PID1: variants seen among roughly 807,000 people sequenced by gnomAD.
PID1 encodes phosphotyrosine interaction domain containing 1, also known as PTB-containing, cubilin and LRP1-interacting protein.
In PID1, 10 loss-of-function variants were observed where a neutral mutation model predicts 19.1. The ratio of observed to expected loss-of-function variants is 0.52; its 90% CI spans 0.32 to 0.89. PID1 has a LOEUF of 0.89. PID1 is among the 40% of genes least tolerant of loss of function. The pLI is 0.03. For missense variants in PID1, 248 were observed against 285.3 expected, an observed-to-expected ratio of 0.87 and a Z score of 0.94; for synonymous variants, 130 against 116.0, an observed-to-expected ratio of 1.12 and a Z score of -0.78.
chr2:229,061,931 T>C (rs1694219697), intron 2 of PID1, among the ~76,000 whole-genome samples: 1 of 152,028 alleles, frequency 6.6e-6, no homozygotes, highest in Non-Finnish European at 1.5e-5. Flanking sequence ...GATTTTTGTG[T>C]GCTATTTTTT....
chr2:229,197,783 C>T (rs908912470), intron 1 of PID1, among the ~76,000 whole-genome samples: 2 of 151,892 alleles, frequency 1.3e-5, no homozygotes, highest in Admixed American at 1.3e-4. Flanking sequence ...CTTACCGAGG[C>T]TGTATATGTT....
intron 2 of PID1, among the ~76,000 whole-genome samples, chr2:229,063,517 T>C (rs187598472): frequency 6.6e-6 from 1 of 152,278 alleles, no homozygotes; most frequent in African/African-American, 2.4e-5. Flanking sequence ...TTCTGAAATT[T>C]ATTGAAACTT....
chr2:229,188,857 T>C (rs991744501), intron 1 of PID1, among the ~76,000 whole-genome samples: 2 of 152,194 alleles, frequency 1.3e-5, no homozygotes, highest in African/African-American at 4.8e-5. Flanking sequence ...TTATGTGAAC[T>C]AGCTGCTCCT....
At chr2:229,039,824 T>C (rs1693731940) in intron 2 of PID1, among the ~76,000 whole-genome samples, 1 of 152,196 alleles carries the variant, frequency 6.6e-6, no homozygotes, top group Non-Finnish European at 1.5e-5. Context: ...TACAACCCTT[T>C]TGGAAGGGAA....
intron 1 of PID1, among the ~76,000 whole-genome samples, chr2:229,177,316 A>G (rs1457108080): frequency 6.6e-6 from 1 of 152,196 alleles, no homozygotes; most frequent in Non-Finnish European, 1.5e-5. Context: ...TATATAATAC[A>G]TGCACTTCAC....
chr2:229,253,809 T>C (rs1011637007), intron 1 of PID1, among the ~76,000 whole-genome samples: 1 of 152,134 alleles, frequency 6.6e-6, no homozygotes, highest in South Asian at 2.1e-4. Flanking sequence ...TGAACATCAA[T>C]TGGTTCAAGG....
intron 1 of PID1, chr2:229,262,651 T>C: frequency 6.5e-7 from 1 of 1,548,904 alleles, no homozygotes; most frequent in Non-Finnish European, 8.7e-7. Flanking sequence ...ATAAACTGGG[T>C]AGCTTAAAAC....
At chr2:229,111,097 G>A (rs192456557) in intron 2 of PID1, among the ~76,000 whole-genome samples, 1 of 152,244 alleles carries the variant, frequency 6.6e-6, no homozygotes, top group East Asian at 1.9e-4. Context: ...TGCTGCCATG[G>A]AAGACTTGCC....
chr2:229,076,273 C>T (rs1172945202), intron 2 of PID1, among the ~76,000 whole-genome samples: 1 of 152,128 alleles, frequency 6.6e-6, no homozygotes, highest in African/African-American at 2.4e-5. Context: ...TTCCAGAATC[C>T]TCTGAATCTT....
At chr2:229,216,151 T>A (rs1009723187) in intron 1 of PID1, among the ~76,000 whole-genome samples, 1 of 152,182 alleles carries the variant, frequency 6.6e-6, no homozygotes, top group African/African-American at 2.4e-5. Context: ...GCCTTGTGAT[T>A]CCACTGGCAG....
At chr2:229,039,134 A>T (rs565647288) in intron 2 of PID1, among the ~76,000 whole-genome samples, 1 of 152,330 alleles carries the variant, frequency 6.6e-6, no homozygotes, top group Non-Finnish European at 1.5e-5. Flanking sequence ...AGGGTGCTGT[A>T]CTGACAGTCC....
At chr2:229,112,063 T>C (rs1338654018) in intron 2 of PID1, among the ~76,000 whole-genome samples, 4 of 152,236 alleles carry the variant, frequency 2.6e-5, no homozygotes, top group African/African-American at 9.6e-5. Flanking sequence ...ATCGCTCCAA[T>C]TATTGGATAG....
At chr2:229,122,602 A>G (rs1227872515) in intron 2 of PID1, among the ~76,000 whole-genome samples, 1 of 152,134 alleles carries the variant, frequency 6.6e-6, no homozygotes, top group Non-Finnish European at 1.5e-5. Context: ...TCACACAGCC[A>G]GTCATTTACA....
intron 1 of PID1, among the ~76,000 whole-genome samples, chr2:229,242,719 C>A (rs960894349): frequency 2.0e-5 from 3 of 152,158 alleles, no homozygotes; most frequent in Non-Finnish European, 4.4e-5. Flanking sequence ...CCAACAGAAT[C>A]ATCTTAAAAC....
intron 1 of PID1, among the ~76,000 whole-genome samples, chr2:229,211,249 C>T (rs1691727778): frequency 6.6e-6 from 1 of 151,930 alleles, no homozygotes; most frequent in Non-Finnish European, 1.5e-5. Flanking sequence ...TTACAGTTAA[C>T]ACCTATTTTG....
At chr2:229,116,814 C>G (rs1695419006) in intron 2 of PID1, among the ~76,000 whole-genome samples, 2 of 152,166 alleles carry the variant, frequency 1.3e-5, no homozygotes, top group Non-Finnish European at 2.9e-5. Context: ...CAACATCACA[C>G]TCTTCTGGCT....
chr2:229,062,339 A>G (rs1312089454), intron 2 of PID1, among the ~76,000 whole-genome samples: 1 of 151,972 alleles, frequency 6.6e-6, no homozygotes, highest in African/African-American at 2.4e-5. Flanking sequence ...ATCTAAGAAG[A>G]TGATCTTATG....
intron 1 of PID1, among the ~76,000 whole-genome samples, chr2:229,217,285 T>C (rs1477389324): frequency 6.6e-6 from 1 of 152,142 alleles, no homozygotes; most frequent in Non-Finnish European, 1.5e-5. Flanking sequence ...GCTGATGAGG[T>C]TTATGGGTCT....
chr2:229,116,424 T>C (rs1295465998), intron 2 of PID1, among the ~76,000 whole-genome samples: 1 of 152,106 alleles, frequency 6.6e-6, no homozygotes, highest in Non-Finnish European at 1.5e-5. Context: ...TATCTTGTGT[T>C]GCTGATATGG....
Sources: allele counts gnomAD v4.1 joint callset (sites outside exome capture counted in the v4.1 genomes callset), GRCh38; gene constraint gnomAD v4.1.1; transcripts MANE v1.5; gene names NCBI Gene and HGNC (gene_info 2026-07-23, HGNC 2026-07-21).